CERS3: variants seen among roughly 807,000 people sequenced by gnomAD.
CERS3 encodes LAG1 homolog, ceramide synthase 3.
In CERS3, 33 loss-of-function variants were observed where a neutral mutation model predicts 50.3. That is an observed-to-expected ratio of 0.66 (90% CI 0.50 to 0.88). The LOEUF (loss-of-function observed/expected upper bound fraction) is 0.88, where lower values mean the gene tolerates loss of function less well. Ranked by LOEUF, CERS3 falls within the 40% of genes least tolerant of loss-of-function variation. The pLI is 0.00. For synonymous variants in CERS3, 176 were observed against 155.2 expected, an observed-to-expected ratio of 1.13 and a Z score of -0.99; for missense variants, 470 against 460.3, an observed-to-expected ratio of 1.02 and a Z score of -0.19.
intron 1 of CERS3, among the ~76,000 whole-genome samples, chr15:100,534,227 C>T (rs577285968): frequency 2.0e-5 from 3 of 152,266 alleles, no homozygotes; most frequent in African/African-American, 7.2e-5. Context: ...ATGTTCATTG[C>T]TAACCCTCAA....
intron 11 of CERS3, among the ~76,000 whole-genome samples, chr15:100,415,054 T>C (rs1040301187): frequency 1.3e-5 from 2 of 151,984 alleles, no homozygotes; most frequent in African/African-American, 2.4e-5. Flanking sequence ...AGGGCTAATA[T>C]CCAGAACCTA....
intron 2 of CERS3, among the ~76,000 whole-genome samples, chr15:100,516,726 C>T (rs2036500510): frequency 6.6e-6 from 1 of 152,220 alleles, no homozygotes; most frequent in Non-Finnish European, 1.5e-5. Context: ...ACTGGTTTCA[C>T]AGCTGTCTTT....
At position 100,410,955 on chromosome 15, in the gene CERS3, A is replaced by G. The variant is rs554979709; in HGVS notation, c.1000-8090T>C. 9.8e-5 allele frequency among the ~76,000 whole-genome samples: 15 copies of G among 152,294 alleles called. No individual in the cohort carries two copies. The South Asian group carries it at 3.1e-3, about 32-fold the overall frequency. On this transcript the variant is annotated intron_variant, in intron 11 of 11. Coordinates refer to ENST00000679737, the MANE Select transcript of CERS3 (RefSeq NM_001378789.1). ...TGAAACAGAAATTCTGTACCCATTA[A>G]CAATAACTCCCCCACTTCTCCCCTT...
intron 11 of CERS3, among the ~76,000 whole-genome samples, chr15:100,441,537 T>TC (rs2033683339): frequency 6.6e-6 from 1 of 151,922 alleles, no homozygotes; most frequent in African/African-American, 2.4e-5. Flanking sequence ...TGGGCAACCT[T>TC]CCACCCTCCA....
chr15:100,447,671 A>G (rs2033994194), intron 11 of CERS3, among the ~76,000 whole-genome samples: 1 of 152,118 alleles, frequency 6.6e-6, no homozygotes, highest in Non-Finnish European at 1.5e-5. Context: ...AAACTCCATC[A>G]CTCAATGAAA....
At chr15:100,486,977 CTT>C (rs936349128) in intron 4 of CERS3, among the ~76,000 whole-genome samples, 13 of 151,482 alleles carry the variant, frequency 8.6e-5, no homozygotes, top group African/African-American at 2.9e-4. Context: ...TGAGTCGAAG[CTT>C]TTTTTTTCTA....
At chr15:100,520,827 C>A (rs9806246) in intron 2 of CERS3, among the ~76,000 whole-genome samples, 132,803 of 152,158 alleles carry the variant, frequency 0.87, 58,145 homozygotes, top group East Asian at 0.99. Context: ...CAGCTGGTGC[C>A]GGGAGAGCAT....
intron 11 of CERS3, among the ~76,000 whole-genome samples, chr15:100,428,068 T>C (rs1030935154): frequency 6.6e-6 from 1 of 152,108 alleles, no homozygotes; most frequent in Non-Finnish European, 1.5e-5. Context: ...TAGTGCAGAG[T>C]GCTATCAGAG....
chr15:100,435,615 T>G (rs1041410409), intron 11 of CERS3, among the ~76,000 whole-genome samples: 2 of 152,102 alleles, frequency 1.3e-5, no homozygotes, highest in Non-Finnish European at 2.9e-5. Flanking sequence ...AAGCCAGAAT[T>G]GACAAATGGG....
chr15:100,401,800 C>A lies in CERS3; in HGVS notation c.*913G>T, dbSNP rs2030558130. ...CTCAGGGCAGCAGCACAGAAGCTTC[C>A]CTCCTAGAAAGGAAAAAAGGGAAAG... On this transcript the variant is annotated 3_prime_UTR_variant, in exon 12 of 12. Coordinates refer to ENST00000679737, the MANE Select transcript of CERS3 (RefSeq NM_001378789.1). 1 of 152,278 alleles carries A rather than the reference C, an allele frequency of 6.6e-6. No homozygotes were observed. The highest frequency in any genetic ancestry group is 2.4e-5 in the African/African-American group (1 of 41,432). 9.4% of individuals were successfully genotyped at this position (152,278 alleles called of 1,614,324 possible). A position where few individuals can be genotyped will look rare whatever the true frequency, so the allele number is the denominator to read the frequency against.
Position 100,401,433 on chromosome 15 carries a change from TC to T in CERS3, c.*1279del, listed in dbSNP as rs923482424. On this transcript the variant is annotated 3_prime_UTR_variant, in exon 12 of 12. Coordinates refer to ENST00000679737, the MANE Select transcript of CERS3 (RefSeq NM_001378789.1). ...GTGCAAGTCTTCTCCGGTGCTCCCTTCCGGAGGGTGAGGACAAGCTGGCTAC... is the reference window on the plus strand; with the variant it reads ...GTGCAAGTCTTCTCCGGTGCTCCCTTCGGAGGGTGAGGACAAGCTGGCTAC... The T allele has an allele frequency of 2.6e-5, 4 of 152,318 alleles. No individual in the cohort carries two copies. The highest frequency in any genetic ancestry group is 5.9e-5 in the Non-Finnish European group (4 of 68,154). The allele number at this position is 152,318 out of a possible 1,614,324, so 9.4% of individuals were successfully genotyped here. A position where few individuals can be genotyped will look rare whatever the true frequency, so the allele number is the denominator to read the frequency against.
At chr15:100,503,803 G>C (rs1959860713) in intron 2 of CERS3, 4 of 466,140 alleles carry the variant, frequency 8.6e-6, no homozygotes, top group Middle Eastern at 3.3e-4. Flanking sequence ...AGTCAGCAGA[G>C]AGAAGGTTTG....
At chr15:100,479,930 G>A (rs1372620080) in intron 6 of CERS3, 59 bp downstream of exon 6, 2 of 1,304,036 alleles carry the variant, frequency 1.5e-6, no homozygotes, top group Non-Finnish European at 2.2e-6. Flanking sequence ...GGAATTCACA[G>A]ACAAGAATTT....
At position 100,402,658 on chromosome 15, in the gene CERS3, G is replaced by C; in HGVS notation, c.*55C>G. The C allele has an allele frequency of 1.3e-6, 2 of 1,568,078 alleles. No individual in the cohort carries two copies. The highest frequency in any genetic ancestry group is 1.7e-6 in the Non-Finnish European group (2 of 1,155,546). ...GGGTCGGTGTGGGGCCTGGAAGCCA[G>C]GCTGCCAACAGTACTTGCAGCATGC... is the stretch of plus-strand genomic sequence containing the variant. On this transcript the variant is annotated 3_prime_UTR_variant, in exon 12 of 12. Coordinates refer to ENST00000679737, the MANE Select transcript of CERS3 (RefSeq NM_001378789.1).
Position 100,511,914 on chromosome 15 carries a change from G to T in CERS3, c.-2+9753C>A, listed in dbSNP as rs1479351616. ...GAGCCTGGGCTTCCATTAATGTTCT[G>T]TTACATGCCCTAGAGAGGAGCATCG... On this transcript the variant is annotated intron_variant, in intron 2 of 11. Transcript: ENST00000679737. Among the ~76,000 whole-genome samples the T allele has an allele frequency of 9.0e-4, 19 of 21,054 alleles. 6 individuals are homozygous for T. The highest frequency in any genetic ancestry group is 1.8e-3 in the African/African-American group (19 of 10,666). The allele number at this position is 21,054 out of a possible 152,430, so 13.8% of individuals were successfully genotyped here. A position where few individuals can be genotyped will look rare whatever the true frequency, so the allele number is the denominator to read the frequency against.
At position 100,515,210 on chromosome 15, in the gene CERS3, T is replaced by C. The variant is rs149024216; in HGVS notation, c.-2+6457A>G. Reference sequence around the variant, plus strand: ...AAACTGATTTGAAGTAAGGCAAGTTTGTTACCTACATAAAAACTTATCACA... The same window carrying C: ...AAACTGATTTGAAGTAAGGCAAGTTCGTTACCTACATAAAAACTTATCACA... On this transcript the variant is annotated intron_variant, in intron 2 of 11. Coordinates refer to ENST00000679737, the MANE Select transcript of CERS3 (RefSeq NM_001378789.1). 1.8e-3 allele frequency among the ~76,000 whole-genome samples: 273 copies of C among 152,348 alleles called. 1 individual carries two copies. Among genetic ancestry groups the C allele is most frequent in the African/African-American group, 6.3e-3 (264 of 41,586 alleles).
chr15:100,433,911 T>C (rs2033266593), intron 11 of CERS3, among the ~76,000 whole-genome samples: 1 of 152,270 alleles, frequency 6.6e-6, no homozygotes, highest in Admixed American at 6.5e-5. Context: ...TCTTGAGGCC[T>C]GGGCTTTCTC....
At chr15:100,473,085 GA>G in intron 8 of CERS3, 33 bp from the exon 9 acceptor site, 1 of 1,590,286 alleles carries the variant, frequency 6.3e-7, no homozygotes, top group Non-Finnish European at 8.5e-7. Flanking sequence ...AGCCATTAAG[GA>G]AATGCATTTA....
intron 1 of CERS3, among the ~76,000 whole-genome samples, chr15:100,523,998 C>T (rs887765117): frequency 9.9e-5 from 15 of 152,150 alleles, no homozygotes; most frequent in African/African-American, 2.7e-4. Flanking sequence ...ATTCAAATGT[C>T]TGTCCTTTCC....
Sources: gnomAD v4.1 joint callset for allele counts (sites outside exome capture counted in the v4.1 genomes callset) on GRCh38, gnomAD v4.1.1 for gene constraint, MANE v1.5 for transcripts, NCBI Gene and HGNC (gene_info 2026-07-23, HGNC 2026-07-21) for gene names.